WDFY3: variants seen among roughly 807,000 people sequenced by gnomAD.
WDFY3 encodes the protein WD repeat and FYVE domain-containing protein 3.
WDFY3 carries 66 observed loss-of-function variants against 409.6 expected under a neutral mutation model. The ratio of observed to expected loss-of-function variants is 0.16; its 90% confidence interval spans 0.13 to 0.20. The LOEUF (loss-of-function observed/expected upper bound fraction) is 0.20. WDFY3 is among the 10% of genes least tolerant of loss of function. WDFY3 has a pLI of 1.00. For missense variants in WDFY3, 3,031 were observed against 4,298.1 expected (o/e 0.71, Z 8.24); for synonymous variants, 1,521 against 1,537.1 (o/e 0.99, Z 0.25).
intron 2 of WDFY3, among the ~76,000 whole-genome samples, chr4:84,921,937 G>A (rs1043312329): frequency 6.6e-6 from 1 of 151,718 alleles, no homozygotes; most frequent in African/African-American, 2.4e-5. Flanking sequence ...TCACAGACAT[G>A]AGCCACCGCA....
At chr4:84,952,187 T>C (rs556766409) in intron 1 of WDFY3, among the ~76,000 whole-genome samples, 5 of 152,190 alleles carry the variant, frequency 3.3e-5, no homozygotes, top group African/African-American at 9.6e-5. Context: ...CACATCCTCC[T>C]GAAAGTAAAA....
intron 3 of WDFY3, among the ~76,000 whole-genome samples, chr4:84,861,924 G>C (rs937645877): frequency 2.6e-5 from 4 of 152,192 alleles, no homozygotes; most frequent in Non-Finnish European, 5.9e-5. Context: ...AGGACATTCT[G>C]GGTATGCAGA....
Position 84,682,449 on chromosome 4 carries a change from G to C in WDFY3, c.9748C>G (p.Gln3250Glu), listed in dbSNP as rs1411235951. ...TCAGGAGCTGGTGTTTCAGGAACTT[G>C]CAAAAATTCCATTCTCCAAAACTAA... Reference protein sequence around the residue: ...VVRFWRMEFLQVPETPAPEPA... With the variant: ...VVRFWRMEFLEVPETPAPEPA... The change falls in exon 64 of 68, where the codon CAA becomes GAA. Residue 3250 changes from glutamine (Q) to glutamate (E), a missense_variant. Gln to Glu is a conservative substitution (Grantham distance 29). Around this residue, in one of 16 missense-constraint regions of WDFY3, gnomAD observed 378 missense variants for 477.3 expected, o/e 0.79. Coordinates refer to ENST00000295888, the MANE Select transcript of WDFY3 (RefSeq NM_014991.6). 1 of 1,613,380 alleles carries C rather than the reference G, an allele frequency of 6.2e-7. No homozygotes were observed. The highest frequency in any genetic ancestry group is 2.2e-5 in the East Asian group (1 of 44,890).
intron 36 of WDFY3, among the ~76,000 whole-genome samples, 156 bp from the exon 37 acceptor site, chr4:84,743,955 T>C (rs1054927492): frequency 6.6e-6 from 1 of 151,636 alleles, no homozygotes; most frequent in Non-Finnish European, 1.5e-5. Flanking sequence ...GCTATGCTTA[T>C]GGTCTTTCAC....
At chr4:84,761,226 C>G (rs895872907) in intron 32 of WDFY3, among the ~76,000 whole-genome samples, 1 of 152,148 alleles carries the variant, frequency 6.6e-6, no homozygotes, top group East Asian at 1.9e-4. Context: ...TTACTTCCAA[C>G]TATGTGGTCA....
intron 1 of WDFY3, among the ~76,000 whole-genome samples, chr4:84,960,079 G>C (rs1774726119): frequency 6.6e-6 from 1 of 152,082 alleles, no homozygotes; most frequent in Non-Finnish European, 1.5e-5. Context: ...TTTTACCCTA[G>C]TTTTACTTCC....
intron 4 of WDFY3, among the ~76,000 whole-genome samples, chr4:84,860,168 G>A (rs1760404891): frequency 6.6e-6 from 1 of 152,096 alleles, no homozygotes; most frequent in Non-Finnish European, 1.5e-5. Context: ...TTTAGACAAT[G>A]GCTCACAGCT....
At chr4:84,701,240 T>C (rs1235212561) in intron 56 of WDFY3, among the ~76,000 whole-genome samples, 1 of 152,246 alleles carries the variant, frequency 6.6e-6, no homozygotes, top group African/African-American at 2.4e-5. Context: ...TAAAGTTGTG[T>C]CTTTAGCTGC....
At chr4:84,692,535 C>G (rs1367406781) in intron 59 of WDFY3, among the ~76,000 whole-genome samples, 1 of 151,700 alleles carries the variant, frequency 6.6e-6, no homozygotes, top group Non-Finnish European at 1.5e-5. Context: ...ATCGGATAGG[C>G]AGAATATATT....
chr4:84,789,930 T>G (rs1186623178), intron 21 of WDFY3, 23 bp from the exon 22 acceptor site: 3 of 1,612,076 alleles, frequency 1.9e-6, no homozygotes, highest in Non-Finnish European at 2.5e-6. Flanking sequence ...GGGGAAGACA[T>G]AAAAACTTTT....
intron 37 of WDFY3, 49 bp downstream of exon 37, chr4:84,743,651 A>T (rs533783717): frequency 7.0e-7 from 1 of 1,430,090 alleles, no homozygotes; most frequent in African/African-American, 1.4e-5. Context: ...TGGGGCTTAG[A>T]GAGGAAAGTG....
chr4:84,960,564 T>C (rs1774783652), intron 1 of WDFY3, among the ~76,000 whole-genome samples: 1 of 152,238 alleles, frequency 6.6e-6, no homozygotes, highest in Non-Finnish European at 1.5e-5. Context: ...CAAACATCTT[T>C]CATTATTACG....
chr4:84,875,662 G>GT (rs897962774), intron 3 of WDFY3, among the ~76,000 whole-genome samples: 1 of 152,068 alleles, frequency 6.6e-6, no homozygotes, highest in Non-Finnish European at 1.5e-5. Flanking sequence ...GTACAAAAAT[G>GT]TTTTTTCTTT....
intron 53 of WDFY3, 113 bp downstream of exon 53, chr4:84,708,796 C>T (rs1732419879): frequency 1.7e-6 from 2 of 1,199,512 alleles, no homozygotes; most frequent in Non-Finnish European, 2.3e-6. Context: ...CTCTCTTAGC[C>T]TCCCAAAGTG....
At chr4:84,794,774 T>C (rs1229099823) in intron 20 of WDFY3, 37 bp from the exon 21 acceptor site, 2 of 1,544,388 alleles carry the variant, frequency 1.3e-6, no homozygotes, top group Non-Finnish European at 1.7e-6. Context: ...CTGTGTTGAT[T>C]AATATTTATA....
intron 12 of WDFY3, 73 bp from the exon 13 acceptor site, chr4:84,817,658 TCA>T: frequency 7.5e-7 from 1 of 1,339,458 alleles, no homozygotes; most frequent in Non-Finnish European, 1.0e-6. Context: ...GAATTAACAT[TCA>T]GTTATTTTTT....
At position 84,674,598 on chromosome 4, in the gene WDFY3, G is replaced by A. The variant is rs147149380; in HGVS notation, c.10458-1607C>T. ...AAATATATATATATAGGCTGGGTGC[G>A]GAGGCTCATGACTGTAATCCCAGCA... On this transcript the variant is annotated intron_variant, in intron 67 of 67. Transcript: ENST00000295888. Among the ~76,000 whole-genome samples, 629 of 150,872 alleles carry A rather than the reference G, an allele frequency of 4.2e-3. 4 individuals carry two copies. Among genetic ancestry groups the A allele is most frequent in the African/African-American group, 0.014 (583 of 41,062 alleles).
chr4:84,836,853 T>C, intron 7 of WDFY3, 76 bp downstream of exon 7: 1 of 1,248,470 alleles, frequency 8.0e-7, no homozygotes, highest in Non-Finnish European at 1.0e-6. Flanking sequence ...AAATGGAATA[T>C]GTAAAACATC....
intron 1 of WDFY3, among the ~76,000 whole-genome samples, chr4:84,942,435 C>A (rs984180209): frequency 1.3e-5 from 2 of 152,128 alleles, no homozygotes; most frequent in African/African-American, 4.8e-5. Context: ...AAGCTCACTA[C>A]CATTATTTAT....
Sources: allele counts gnomAD v4.1 joint callset (sites outside exome capture counted in the v4.1 genomes callset), GRCh38; gene constraint gnomAD v4.1.1; regional missense constraint gnomAD v4.1.1; transcripts MANE v1.5; gene names NCBI Gene and HGNC (gene_info 2026-07-23, HGNC 2026-07-21).